The following SYAP1 variants were observed in gnomAD, a reference collection of about 807,000 sequenced individuals.
SYAP1 encodes the protein synapse-associated protein 1.
SYAP1 carries 3 observed loss-of-function variants against 29.6 expected under a neutral mutation model. That is an observed-to-expected ratio of 0.10 (90% confidence interval 0.05 to 0.26). The LOEUF (loss-of-function observed/expected upper bound fraction) is 0.26, where lower values mean the gene tolerates loss of function less well. Ranked by LOEUF, SYAP1 falls within the 10% of genes least tolerant of loss-of-function variation. The probability of loss-of-function intolerance (pLI) is 1.00; values close to 1 mark genes in which losing one functional copy is unlikely to be tolerated. For missense variants in SYAP1, 217 were observed against 264.1 expected (o/e 0.82, Z 1.24); for synonymous variants, 102 against 102.7 (o/e 0.99, Z 0.04).
intron 3 of SYAP1, among the ~76,000 whole-genome samples, chrX:16,740,048 C>G (rs1926423674): frequency 9.0e-6 from 1 of 110,885 alleles, no homozygotes; most frequent in South Asian, 3.8e-4. Context: ...GACGAGCTTG[C>G]CATTGTTTTT....
At chrX:16,752,968 A>G (rs377017931) in intron 5 of SYAP1, among the ~76,000 whole-genome samples, 1 of 110,913 alleles carries the variant, frequency 9.0e-6, no homozygotes, top group South Asian at 3.8e-4. Context: ...GAGGCCAGGC[A>G]TGGTGGCTTA....
At chrX:16,733,951 A>G (rs1926266751) in intron 1 of SYAP1, among the ~76,000 whole-genome samples, 1 of 111,236 alleles carries the variant, frequency 9.0e-6, no homozygotes, top group African/African-American at 3.3e-5. Flanking sequence ...GAGCCCTTAT[A>G]GTGCAATAGA....
intron 1 of SYAP1, among the ~76,000 whole-genome samples, chrX:16,729,039 GA>G (rs1283083904): frequency 2.0e-4 from 18 of 90,167 alleles, no homozygotes; most frequent in Admixed American, 4.0e-4. Context: ...CAGCTATCTC[GA>G]AAAAAAAAAA....
chrX:16,742,899 G>A (rs186336456), intron 4 of SYAP1, among the ~76,000 whole-genome samples: 133 of 105,447 alleles, frequency 1.3e-3, no homozygotes, highest in African/African-American at 4.4e-3. Flanking sequence ...AGCCATGAGC[G>A]ACTACACCCT....
intron 1 of SYAP1, among the ~76,000 whole-genome samples, chrX:16,728,938 C>T (rs1482863096): frequency 9.3e-6 from 1 of 107,335 alleles, no homozygotes; most frequent in Non-Finnish European, 1.9e-5. Flanking sequence ...ACTCAGGAGG[C>T]TGAGGCAGGA....
Position 16,762,553 on chromosome X carries a change from G to A in SYAP1, c.*2194G>A, listed in dbSNP as rs1927007599. 1 of 111,995 alleles carries A rather than the reference G, an allele frequency of 8.9e-6. No individual in the cohort carries two copies. The highest frequency in any genetic ancestry group is 3.2e-5 in the African/African-American group (1 of 30,877). 9.2% of individuals were successfully genotyped at this position (111,995 alleles called of 1,213,427 possible). On this transcript the variant is annotated 3_prime_UTR_variant, in exon 9 of 9. Coordinates refer to ENST00000380155, the MANE Select transcript of SYAP1 (RefSeq NM_032796.4). Reference sequence around the variant, plus strand: ...AACTGAAGTGTTATTCCTTTAAAGAGCAAAATAATTTATCACCATGTTTGG... The same window carrying A: ...AACTGAAGTGTTATTCCTTTAAAGAACAAAATAATTTATCACCATGTTTGG...
At position 16,763,876 on chromosome X, in the gene SYAP1, T is replaced by A. The variant is rs1285438479; in HGVS notation, c.*3517T>A. 1.7e-4 allele frequency: 16 copies of A among 96,059 alleles called. No homozygotes were observed. The highest frequency in any genetic ancestry group is 5.9e-4 in the African/African-American group (15 of 25,564). 7.9% of individuals were successfully genotyped at this position (96,059 alleles called of 1,213,427 possible). On this transcript the variant is annotated 3_prime_UTR_variant, in exon 9 of 9. Transcript: ENST00000380155. ...TTATTTGCCTCTTTGACGGCTTTTT[T>A]TTTTTTTTTTTTTTTGAGACAGAGT...
At chrX:16,734,456 C>A (rs1926278602) in intron 1 of SYAP1, among the ~76,000 whole-genome samples, 1 of 110,259 alleles carries the variant, frequency 9.1e-6, no homozygotes, top group Admixed American at 9.8e-5. Context: ...TTTAAAATTC[C>A]CCCAGATTTA....
intron 1 of SYAP1, among the ~76,000 whole-genome samples, chrX:16,734,423 C>T (rs1226681270): frequency 9.2e-6 from 1 of 108,886 alleles, no homozygotes; most frequent in Non-Finnish European, 1.9e-5. Context: ...TCTACTAGGG[C>T]TTGCCAAGAT....
chrX:16,730,507 A>G (rs7067031), intron 1 of SYAP1, among the ~76,000 whole-genome samples: 8,547 of 112,258 alleles, frequency 0.076, 811 homozygotes, highest in African/African-American at 0.27. Context: ...TGTAGACAGA[A>G]GTGCAGATAA....
intron 4 of SYAP1, 108 bp from the exon 5 acceptor site, chrX:16,743,593 C>A (rs1304740859): frequency 1.4e-6 from 1 of 740,723 alleles, no homozygotes; most frequent in South Asian, 2.5e-5. Flanking sequence ...GAGATTGCAC[C>A]ACTGCACTCT....
Position 16,755,071 on chromosome X carries a change from A to G in SYAP1, c.702A>G (p.Arg234=). The change falls in exon 6 of 9, where the codon AGA becomes AGG. Residue 234 remains arginine (R), a synonymous_variant. Transcript: ENST00000380155. The part of the protein sequence containing the change: ...AAGKEEKSNG[R]EQDLPLAEAV... ...GGAAGGAGGAGAAGAGCAATGGCAG[A>G]GAGCAAGATTTGCCGCTGGCAGGTA... 1.7e-6 allele frequency: 2 copies of G among 1,211,952 alleles called. No homozygotes were observed. The highest frequency in any genetic ancestry group is 3.5e-5 in the South Asian group (2 of 57,020).
At position 16,736,679 on chromosome X, in the gene SYAP1, G is replaced by T. The variant is rs755186219; in HGVS notation, c.361+447G>T. ...CCACCACACCCAGCTATTTTTGTGT[G>T]TGTGTATTTTTAGTAGAAACGGGGT... On this transcript the variant is annotated intron_variant, in intron 3 of 8. Coordinates refer to ENST00000380155, the MANE Select transcript of SYAP1 (RefSeq NM_032796.4). Among the ~76,000 whole-genome samples, 20 of 111,728 alleles carry T rather than the reference G, an allele frequency of 1.8e-4. No individual in the cohort carries two copies. In the South Asian group the frequency reaches 6.3e-3, roughly 35 times the overall value.
At position 16,741,747 on chromosome X, in the gene SYAP1, C is replaced by T. The variant is rs774733731; in HGVS notation, c.393C>T (p.Asn131=). 1.4e-4 allele frequency: 167 copies of T among 1,205,114 alleles called. No homozygotes were observed. Among genetic ancestry groups the T allele is most frequent in the Non-Finnish European group, 1.8e-4 (163 of 893,150 alleles). Residue 131 remains asparagine, a synonymous_variant, in exon 4 of 9, where the codon AAC becomes AAT. Coordinates refer to ENST00000380155, the MANE Select transcript of SYAP1 (RefSeq NM_032796.4). ...EAAVPPWVDT[N]DEETIQQQIL... ...CTGTGCCCCCATGGGTTGACACTAA[C>T]GATGAAGAAACAATTCAACAACAAA... is the stretch of plus-strand genomic sequence containing the variant.
chrX:16,757,216 T>C lies in SYAP1; in HGVS notation c.838T>C (p.Phe280Leu). The change falls in exon 8 of 9, where the codon TTC becomes CTC. Residue 280 changes from phenylalanine to leucine, a missense_variant. Phe to Leu is a conservative substitution (Grantham distance 22). Transcript: ENST00000380155. Reference protein sequence around the residue: ...PGVSEFVSDAFDACNLNQEDL... With the variant: ...PGVSEFVSDALDACNLNQEDL... Reference sequence around the variant, plus strand: ...TGTTTCTGAGTTTGTCAGTGATGCCTTCGATGCCTGTAACCTAAATCAGGA... The same window carrying C: ...TGTTTCTGAGTTTGTCAGTGATGCCCTCGATGCCTGTAACCTAAATCAGGA... The C allele has an allele frequency of 8.3e-7, 1 of 1,210,890 alleles. No homozygotes were observed. Among genetic ancestry groups the C allele is most frequent in the East Asian group, 3.0e-5 (1 of 33,843 alleles).
chrX:16,760,147 C>CGTA (rs1351574222), intron 8 of SYAP1, 85 bp from the exon 9 acceptor site: 2 of 960,121 alleles, frequency 2.1e-6, no homozygotes, highest in Non-Finnish European at 2.8e-6. Flanking sequence ...TAGGACTTTA[C>CGTA]GTAGGTAATT....
chrX:16,739,600 C>T (rs768029733), intron 3 of SYAP1, among the ~76,000 whole-genome samples: 6 of 109,091 alleles, frequency 5.5e-5, no homozygotes, highest in Non-Finnish European at 1.1e-4. Context: ...TTTCGGCCTC[C>T]CGAGTAGCTG....
At chrX:16,754,916 C>T (rs1926809396) in intron 5 of SYAP1, 29 bp from the exon 6 acceptor site, 1 of 1,196,893 alleles carries the variant, frequency 8.4e-7, no homozygotes. Flanking sequence ...TGCCTTTTTC[C>T]ACTGTTCTAA....
chrX:16,719,676 T>G lies in SYAP1; in HGVS notation c.-49T>G, dbSNP rs771902156. The G allele has an allele frequency of 1.7e-6, 2 of 1,176,994 alleles. No homozygotes were observed. Among genetic ancestry groups the G allele is most frequent in the Non-Finnish European group, 2.3e-6 (2 of 879,235 alleles). The stretch of plus-strand genomic sequence containing the variant: ...GAGTGGAGTCAAAGGCAACCAGTGC[T>G]CGCTGCGGTCTCTGGGGATCGGGAC... On this transcript the variant is annotated 5_prime_UTR_variant, in exon 1 of 9. Transcript: ENST00000380155.
Sources: allele counts gnomAD v4.1 joint callset (sites outside exome capture counted in the v4.1 genomes callset), GRCh38; gene constraint gnomAD v4.1.1; transcripts MANE v1.5; gene names NCBI Gene and HGNC (gene_info 2026-07-23, HGNC 2026-07-21).